The following ZNF521 variants were observed in gnomAD, a reference collection of about 807,000 sequenced individuals.
ZNF521 encodes zinc finger protein 521.
A neutral mutation model predicts 105.5 loss-of-function variants in ZNF521; 14 were observed. The ratio of observed to expected loss-of-function variants is 0.13; its 90% confidence interval spans 0.09 to 0.21. The LOEUF (loss-of-function observed/expected upper bound fraction) is 0.21. Ranked by LOEUF, ZNF521 falls within the 10% of genes least tolerant of loss-of-function variation. The probability of loss-of-function intolerance (pLI) is 1.00; values close to 1 mark genes in which losing one functional copy is unlikely to be tolerated. For synonymous variants in ZNF521, 635 were observed against 606.0 expected (o/e 1.05, Z -0.70); for missense variants, 1,233 against 1,629.7 (o/e 0.76, Z 4.19).
intron 7 of ZNF521, among the ~76,000 whole-genome samples, chr18:25,076,842 G>A (rs1434607566): frequency 6.6e-6 from 1 of 152,210 alleles, no homozygotes; most frequent in African/African-American, 2.4e-5. Flanking sequence ...AAAGGACAAA[G>A]AAAAGTTAAC....
At chr18:25,165,973 T>C (rs1407280408) in intron 5 of ZNF521, among the ~76,000 whole-genome samples, 1 of 152,196 alleles carries the variant, frequency 6.6e-6, no homozygotes, top group Non-Finnish European at 1.5e-5. Context: ...TTTAATTGGC[T>C]TAAATCATCA....
At chr18:25,063,742 C>T (rs1462565074) in intron 7 of ZNF521, among the ~76,000 whole-genome samples, 1 of 152,094 alleles carries the variant, frequency 6.6e-6, no homozygotes, top group Non-Finnish European at 1.5e-5. Context: ...GGAGCATAAG[C>T]CTGGAGATGG....
At chr18:25,104,965 A>G (rs972043157) in intron 5 of ZNF521, among the ~76,000 whole-genome samples, 1 of 152,200 alleles carries the variant, frequency 6.6e-6, no homozygotes, top group African/African-American at 2.4e-5. Context: ...ACGGGAAGAG[A>G]TGTTTTCTTA....
intron 3 of ZNF521, among the ~76,000 whole-genome samples, chr18:25,278,396 C>T (rs370823336): frequency 2.0e-5 from 3 of 152,298 alleles, no homozygotes; most frequent in Admixed American, 6.5e-5. Context: ...CCACTTTTCC[C>T]TTTTGGGTCT....
At chr18:25,072,380 C>T (rs1291761407) in intron 7 of ZNF521, among the ~76,000 whole-genome samples, 1 of 152,188 alleles carries the variant, frequency 6.6e-6, no homozygotes, top group Non-Finnish European at 1.5e-5. Context: ...ATGTTAACAT[C>T]GTGACAATCC....
At chr18:25,098,634 A>G (rs1429816665) in intron 5 of ZNF521, among the ~76,000 whole-genome samples, 1 of 152,168 alleles carries the variant, frequency 6.6e-6, no homozygotes, top group African/African-American at 2.4e-5. Context: ...ACTGAGACCA[A>G]CTAAGTCTGA....
intron 3 of ZNF521, among the ~76,000 whole-genome samples, chr18:25,246,411 CTT>C (rs968777058): frequency 1.1e-4 from 16 of 152,172 alleles, no homozygotes; most frequent in African/African-American, 3.9e-4. Context: ...GATAGATTAA[CTT>C]TCTAAAATAG....
chr18:25,162,393 T>C (rs1411909584), intron 5 of ZNF521, among the ~76,000 whole-genome samples: 1 of 152,240 alleles, frequency 6.6e-6, no homozygotes, highest in African/African-American at 2.4e-5. Flanking sequence ...ATTATTATAA[T>C]GTATGGATAC....
At chr18:25,308,490 G>A (rs1912108593) in intron 3 of ZNF521, among the ~76,000 whole-genome samples, 1 of 151,986 alleles carries the variant, frequency 6.6e-6, no homozygotes, top group Admixed American at 6.6e-5. Flanking sequence ...AAATTGCCCA[G>A]CAGATTCTAT....
intron 4 of ZNF521, among the ~76,000 whole-genome samples, chr18:25,215,214 C>T (rs2144698559): frequency 6.6e-6 from 1 of 152,076 alleles, no homozygotes; most frequent in African/African-American, 2.4e-5. Flanking sequence ...TAGAAACATG[C>T]ACATTTAAAA....
intron 5 of ZNF521, among the ~76,000 whole-genome samples, chr18:25,178,909 TGTGA>T (rs1345001806): frequency 6.6e-6 from 1 of 152,016 alleles, no homozygotes; most frequent in African/African-American, 2.4e-5. Flanking sequence ...ATTCAAGAAG[TGTGA>T]GTTTCTCTCC....
rs151113040 is a variant in ZNF521 at position 25,340,041 on chromosome 18, A to C, written c.40+10866T>G. On this transcript the variant is annotated intron_variant, in intron 2 of 7. Transcript: ENST00000361524. The stretch of plus-strand genomic sequence containing the variant: ...TGAATTGAAGGTGGCTAGTCAAACT[A>C]AATTAAAATGCTGTCTTTAAAGCAA... Among the ~76,000 whole-genome samples the C allele has an allele frequency of 1.6e-3, 237 of 152,288 alleles. 1 individual carries two copies. The highest frequency in any genetic ancestry group is 5.5e-3 in the African/African-American group (228 of 41,554).
intron 3 of ZNF521, among the ~76,000 whole-genome samples, chr18:25,239,647 C>A (rs1292640278): frequency 6.6e-6 from 1 of 152,152 alleles, no homozygotes; most frequent in Non-Finnish European, 1.5e-5. Context: ...TGATTAAATG[C>A]CTCAAGTTTG....
intron 3 of ZNF521, among the ~76,000 whole-genome samples, chr18:25,276,798 C>T (rs1910059627): frequency 6.6e-6 from 1 of 152,190 alleles, no homozygotes; most frequent in African/African-American, 2.4e-5. Flanking sequence ...ATTTAGTTCA[C>T]CTTTATTTTA....
chr18:25,163,612 G>A (rs1025848556), intron 5 of ZNF521, among the ~76,000 whole-genome samples: 4 of 152,174 alleles, frequency 2.6e-5, no homozygotes, highest in African/African-American at 4.8e-5. Flanking sequence ...GGAACAGAAC[G>A]CCTGTGGTAA....
chr18:25,168,039 G>T (rs909216460), intron 5 of ZNF521, among the ~76,000 whole-genome samples: 2 of 152,176 alleles, frequency 1.3e-5, no homozygotes, highest in African/African-American at 4.8e-5. Flanking sequence ...TAGCTCCAAG[G>T]TTAAGAGACT....
chr18:25,161,057 T>C (rs1297989925), intron 5 of ZNF521, among the ~76,000 whole-genome samples: 2 of 152,092 alleles, frequency 1.3e-5, no homozygotes, highest in Non-Finnish European at 2.9e-5. Context: ...GCATGAGACC[T>C]CCTGAGGCAG....
intron 3 of ZNF521, among the ~76,000 whole-genome samples, chr18:25,230,710 C>A (rs1218437422): frequency 6.6e-6 from 1 of 152,106 alleles, no homozygotes; most frequent in Non-Finnish European, 1.5e-5. Context: ...AAGTTTTCTG[C>A]ATTTCAATGT....
chr18:25,304,301 T>C (rs1299418189), intron 3 of ZNF521, among the ~76,000 whole-genome samples: 2 of 152,218 alleles, frequency 1.3e-5, no homozygotes, highest in African/African-American at 4.8e-5. Context: ...CATTCTTGTA[T>C]TCTGCATATT....
Sources: allele counts gnomAD v4.1 joint callset (sites outside exome capture counted in the v4.1 genomes callset), GRCh38; gene constraint gnomAD v4.1.1; transcripts MANE v1.5; gene names NCBI Gene and HGNC (gene_info 2026-07-23, HGNC 2026-07-21).